The following HHIPL1 variants were observed in gnomAD, a reference collection of about 807,000 sequenced individuals.
HHIPL1 encodes HHIP like 1, also known as HHIP-like protein 1.
In HHIPL1, 43 loss-of-function variants were observed where a neutral mutation model predicts 61.8. That is an observed-to-expected ratio of 0.70 (90% CI 0.55 to 0.90). The LOEUF is 0.90. Ranked by LOEUF, HHIPL1 falls within the 40% of genes least tolerant of loss-of-function variation. The pLI is 0.00. For missense variants in HHIPL1, 1,056 were observed against 1,157.7 expected (o/e 0.91, Z 1.28); for synonymous variants, 482 against 515.8 (o/e 0.93, Z 0.89).
intron 6 of HHIPL1, among the ~76,000 whole-genome samples, chr14:99,667,520 G>A (rs1170742803): frequency 1.3e-5 from 2 of 152,088 alleles, no homozygotes; most frequent in Non-Finnish European, 2.9e-5. Flanking sequence ...ATGGGGAGAA[G>A]TTGAGGCTTA....
At chr14:99,666,238 G>A (rs1259417937) in intron 6 of HHIPL1, among the ~76,000 whole-genome samples, 1 of 152,238 alleles carries the variant, frequency 6.6e-6, no homozygotes, top group Non-Finnish European at 1.5e-5. Context: ...CACCTCGGGG[G>A]AGAACAGGAC....
chr14:99,631,162 G>C, the HHIPL1 span, among the ~76,000 whole-genome samples: 1 of 147,730 alleles, frequency 6.8e-6, no homozygotes, highest in African/African-American at 2.5e-5. Flanking sequence ...GTGTCACCCA[G>C]GCTGGAGTGC....
the HHIPL1 span, among the ~76,000 whole-genome samples, chr14:99,609,673 A>C: frequency 6.6e-6 from 1 of 152,230 alleles, no homozygotes; most frequent in South Asian, 2.1e-4. Context: ...CAGGGGCAGC[A>C]GTGAGAGGGC....
chr14:99,632,041 G>A, the HHIPL1 span, among the ~76,000 whole-genome samples: 1 of 152,132 alleles, frequency 6.6e-6, no homozygotes, highest in African/African-American at 2.4e-5. Flanking sequence ...GGCCAGTGGG[G>A]GTGAGACCAG....
At chr14:99,630,780 G>A in the HHIPL1 span, among the ~76,000 whole-genome samples, 5 of 152,194 alleles carry the variant, frequency 3.3e-5, no homozygotes, top group Non-Finnish European at 5.9e-5. Flanking sequence ...GTCCGAGATC[G>A]AGGTGTCTGC....
At chr14:99,621,697 T>C in the HHIPL1 span, among the ~76,000 whole-genome samples, 10 of 114,728 alleles carry the variant, frequency 8.7e-5, no homozygotes, top group African/African-American at 2.4e-4. Flanking sequence ...TTCCCTTTTT[T>C]TCTTTTCTTT....
intron 1 of HHIPL1, 65 bp from the exon 2 acceptor site, chr14:99,652,159 C>T: frequency 6.7e-7 from 1 of 1,482,292 alleles, no homozygotes; most frequent in Non-Finnish European, 9.0e-7. Context: ...GGGGACCCGC[C>T]CAAGGTAACC....
chr14:99,645,994 C>T (rs1188988622), intron 1 of HHIPL1, among the ~76,000 whole-genome samples: 5 of 152,260 alleles, frequency 3.3e-5, no homozygotes, highest in African/African-American at 1.2e-4. Flanking sequence ...TCCTGATGCC[C>T]TTGCCACTTC....
the HHIPL1 span, among the ~76,000 whole-genome samples, chr14:99,631,467 C>A: frequency 6.6e-6 from 1 of 152,070 alleles, no homozygotes; most frequent in South Asian, 2.1e-4. Flanking sequence ...GTAACTGATC[C>A]CCTACAGTCC....
At position 99,660,245 on chromosome 14, in the gene HHIPL1, G is replaced by A. The variant is rs1328740412; in HGVS notation, c.1376-35G>A. 1.2e-6 allele frequency: 2 copies of A among 1,613,068 alleles called. No homozygotes were observed. ...CTGGCTGATGAACCTTCCCGCCGCT[G>A]GCTCACCGAAGCTTCTCTCCCTCCC... On this transcript the variant is annotated intron_variant, in intron 4 of 8. Transcript: ENST00000330710. The surrounding 1 kb of genome is among the most constrained non-coding windows in gnomAD (Gnocchi z 4.9).
the HHIPL1 span, among the ~76,000 whole-genome samples, chr14:99,631,097 TTTCTTTC>T: frequency 6.9e-6 from 1 of 144,378 alleles, no homozygotes; most frequent in Non-Finnish European, 1.6e-5. Flanking sequence ...TCTTTCTTTC[TTTCTTTC>T]TTTCTCTCTC....
At chr14:99,637,204 G>C in the HHIPL1 span, among the ~76,000 whole-genome samples, 1 of 47,186 alleles carries the variant, frequency 2.1e-5, no homozygotes, top group Non-Finnish European at 5.0e-5. Flanking sequence ...AAGAAAGGAA[G>C]AAAGAAAGAA....
chr14:99,606,087 A>G, the HHIPL1 span, among the ~76,000 whole-genome samples: 2 of 152,146 alleles, frequency 1.3e-5, no homozygotes, highest in African/African-American at 2.4e-5. Flanking sequence ...TCCAGATTCA[A>G]TATCTCATCT....
intron 6 of HHIPL1, among the ~76,000 whole-genome samples, chr14:99,666,361 G>T (rs2056245361): frequency 6.6e-6 from 1 of 152,200 alleles, no homozygotes; most frequent in South Asian, 2.1e-4. Context: ...GCCCTGGGCG[G>T]GCTTGGCAGC....
At chr14:99,664,043 A>C (rs935976206) in intron 6 of HHIPL1, among the ~76,000 whole-genome samples, 1 of 152,196 alleles carries the variant, frequency 6.6e-6, no homozygotes, top group Non-Finnish European at 1.5e-5. Context: ...GGCACTTGTC[A>C]ATGCAAGGGA....
In HHIPL1 at chr14:99,675,269, G is replaced by A. The variant is rs2056375041; in HGVS notation, c.1992G>A (p.Ala664=). 5.6e-6 allele frequency: 7 copies of A among 1,249,836 alleles called. No individual in the cohort carries two copies. Among genetic ancestry groups the A allele is most frequent in the South Asian group, 3.3e-5 (1 of 30,300 alleles). 77.4% of individuals were successfully genotyped at this position (1,249,836 alleles called of 1,614,324 possible). A position where few individuals can be genotyped will look rare whatever the true frequency, so the allele number is the denominator to read the frequency against. Residue 664 remains alanine, a synonymous_variant, in exon 9 of 9, where the codon GCG becomes GCA. Coordinates refer to ENST00000330710, the MANE Select transcript of HHIPL1 (RefSeq NM_001127258.3). This position sits in a 1 kb window ranked among gnomAD's most constrained non-coding sequence, Gnocchi z 5.4. ...GGCGGCGGGGGCGGCTGAACTCGGC[G>A]AGCCGGGCGTTCCGGGATGGCGAGG... ...GGRRRGRLNS[A]SRAFRDGEVR...
At chr14:99,623,541 G>A in the HHIPL1 span, among the ~76,000 whole-genome samples, 1 of 152,124 alleles carries the variant, frequency 6.6e-6, no homozygotes, top group Non-Finnish European at 1.5e-5. Flanking sequence ...AGCCTCCCAA[G>A]TAGTTGGGAC....
At chr14:99,640,133 T>G (rs1033177906), upstream of HHIPL1, among the ~76,000 whole-genome samples, 15 of 152,238 alleles carry the variant, frequency 9.9e-5, no homozygotes, top group Non-Finnish European at 2.9e-5. Flanking sequence ...TTACCTGCCT[T>G]CTCTGGTTTT....
chr14:99,665,121 T>C (rs1286178452), intron 6 of HHIPL1, among the ~76,000 whole-genome samples: 1 of 151,976 alleles, frequency 6.6e-6, no homozygotes, highest in Non-Finnish European at 1.5e-5. Flanking sequence ...GAGATGGGGT[T>C]TCATCATGTT....
Sources: allele counts gnomAD v4.1 joint callset (sites outside exome capture counted in the v4.1 genomes callset), GRCh38; gene constraint gnomAD v4.1.1; non-coding constraint Gnocchi (gnomAD v3.1); transcripts MANE v1.5; gene names NCBI Gene and HGNC (gene_info 2026-07-23, HGNC 2026-07-21).